LRFN5: variants seen among roughly 807,000 people sequenced by gnomAD.
LRFN5 encodes the protein leucine rich repeat and fibronectin type III domain containing 5, also known as leucine-rich repeat and fibronectin type-III domain-containing protein 5.
LRFN5 carries 24 observed loss-of-function variants against 45.6 expected under a neutral mutation model. The observed-to-expected ratio is 0.53, with a 90% CI of 0.38 to 0.74. The LOEUF is 0.74. LRFN5 is among the 30% of genes least tolerant of loss of function. The probability of loss-of-function intolerance (pLI) is 0.00; values close to 1 mark genes in which losing one functional copy is unlikely to be tolerated. For missense variants in LRFN5, 776 were observed against 861.5 expected (o/e 0.90, Z 1.24); for synonymous variants, 340 against 313.8 (o/e 1.08, Z -0.88).
intron 2 of LRFN5, among the ~76,000 whole-genome samples, chr14:41,812,958 C>T (rs1020664730): frequency 1.3e-5 from 2 of 152,070 alleles, no homozygotes; most frequent in Admixed American, 1.3e-4. Flanking sequence ...ACACAGGTAG[C>T]TTTCAACTGA....
chr14:41,656,805 C>T (rs770556182), intron 1 of LRFN5, among the ~76,000 whole-genome samples: 1 of 151,574 alleles, frequency 6.6e-6, no homozygotes, highest in Non-Finnish European at 1.5e-5. Context: ...GAAAGTGTGA[C>T]ATTATTTTAT....
In LRFN5 at chr14:41,894,201, T is replaced by A. The variant is rs978906734; in HGVS notation, c.2098+2239T>A. On this transcript the variant is annotated intron_variant, in intron 4 of 5. Transcript: ENST00000298119. The stretch of plus-strand genomic sequence containing the variant: ...GATCAAAGATAAGGATGCTCTGAAA[T>A]CATGCAACATTAGCAAGGTTAACAT... 7.1e-6 allele frequency: 7 copies of A among 985,168 alleles called. No individual in the cohort carries two copies. In the East Asian group the frequency reaches 6.8e-4, roughly 96 times the overall value. The allele number at this position is 985,168 out of a possible 1,614,324, so 61.0% of individuals were successfully genotyped here.
At chr14:41,615,615 C>T (rs1174927462) in intron 1 of LRFN5, among the ~76,000 whole-genome samples, 2 of 151,998 alleles carry the variant, frequency 1.3e-5, no homozygotes, top group South Asian at 2.1e-4. Context: ...AGACTACTGT[C>T]GAGTTAAGCA....
At chr14:41,785,162 T>C (rs1362620004) in intron 2 of LRFN5, among the ~76,000 whole-genome samples, 1 of 152,140 alleles carries the variant, frequency 6.6e-6, no homozygotes, top group Non-Finnish European at 1.5e-5. Context: ...GAGTTTAAAG[T>C]GTCTTTCTTT....
At chr14:41,760,650 T>G (rs1184905625) in intron 1 of LRFN5, among the ~76,000 whole-genome samples, 1 of 151,854 alleles carries the variant, frequency 6.6e-6, no homozygotes, top group African/African-American at 2.4e-5. Flanking sequence ...TGATTTCTGA[T>G]TTAACATGCA....
At position 41,877,740 on chromosome 14, in the gene LRFN5, T is replaced by C. The variant is rs1594488360; in HGVS notation, c.-20-8866T>C. Among the ~76,000 whole-genome samples the C allele has an allele frequency of 2.0e-5, 3 of 152,202 alleles. No individual in the cohort carries two copies. In the East Asian group the frequency reaches 5.8e-4, roughly 30 times the overall value. On this transcript the variant is annotated intron_variant, in intron 2 of 5. Transcript: ENST00000298119. Reference sequence around the variant, plus strand: ...AATTTAAATATCAAAGTATAATAAGTCAACATTTTCATAGTTGGCCATCTA... The same window carrying C: ...AATTTAAATATCAAAGTATAATAAGCCAACATTTTCATAGTTGGCCATCTA...
chr14:41,822,777 T>C (rs1244552498), intron 2 of LRFN5, among the ~76,000 whole-genome samples: 1 of 151,852 alleles, frequency 6.6e-6, no homozygotes, highest in Admixed American at 6.6e-5. Flanking sequence ...TTGCTCTCCA[T>C]ATATTTTATT....
chr14:41,891,902 A>G lies in LRFN5; in HGVS notation c.2038A>G (p.Ser680Gly). ...CAACTCAACTGCCTTGCAGTTAGCT[A>G]GCCGTCCTCCCGATTCTGTCACAGA... ...RNNSTALQLA[S>G]RPPDSVTEGP... is the part of the protein sequence containing the mutation. The change falls in exon 4 of 6, where the codon AGC becomes GGC. Residue 680 changes from serine (S) to glycine (G), a missense_variant. Ser to Gly is a moderately conservative substitution (Grantham distance 56, BLOSUM62 0). Coordinates refer to ENST00000298119, the MANE Select transcript of LRFN5 (RefSeq NM_152447.5). 1 of 1,614,164 alleles carries G rather than the reference A, an allele frequency of 6.2e-7. No homozygotes were observed. The highest frequency in any genetic ancestry group is 8.5e-7 in the Non-Finnish European group (1 of 1,180,024).
intron 2 of LRFN5, among the ~76,000 whole-genome samples, chr14:41,816,582 C>A (rs1887926730): frequency 6.6e-6 from 1 of 151,966 alleles, no homozygotes. Context: ...TCTCTGTCAA[C>A]ACTATACATA....
At chr14:41,782,967 G>A (rs908453353) in intron 2 of LRFN5, among the ~76,000 whole-genome samples, 8 of 119,696 alleles carry the variant, frequency 6.7e-5, no homozygotes, top group South Asian at 5.8e-4. Flanking sequence ...TTCCTGTGGT[G>A]ATACAGCTTT....
chr14:41,865,726 A>G (rs1889817982), intron 2 of LRFN5, among the ~76,000 whole-genome samples: 1 of 152,196 alleles, frequency 6.6e-6, no homozygotes, highest in Non-Finnish European at 1.5e-5. Context: ...GTTCACCAAC[A>G]CTTGCTTTCA....
intron 2 of LRFN5, among the ~76,000 whole-genome samples, chr14:41,791,317 A>G (rs900949859): frequency 2.0e-5 from 3 of 152,122 alleles, no homozygotes; most frequent in African/African-American, 7.2e-5. Context: ...GCTATGTATC[A>G]TTTTCTCTAC....
chr14:41,903,296 T>C (rs1379223349), intron 5 of LRFN5, among the ~76,000 whole-genome samples: 3 of 151,388 alleles, frequency 2.0e-5, no homozygotes, highest in East Asian at 3.9e-4. Context: ...TAATATAGAA[T>C]ACTAAATAAA....
intron 2 of LRFN5, among the ~76,000 whole-genome samples, chr14:41,844,614 A>C (rs546223857): frequency 8.5e-5 from 13 of 152,276 alleles, no homozygotes; most frequent in African/African-American, 3.1e-4. Flanking sequence ...CTGATTTCTA[A>C]TACACATAAC....
At chr14:41,791,001 T>C (rs1251723480) in intron 2 of LRFN5, among the ~76,000 whole-genome samples, 2 of 151,866 alleles carry the variant, frequency 1.3e-5, no homozygotes, top group Non-Finnish European at 2.9e-5. Context: ...TATCCACATA[T>C]TATTTTCAAT....
intron 1 of LRFN5, among the ~76,000 whole-genome samples, chr14:41,710,073 T>C (rs1883221859): frequency 6.6e-6 from 1 of 152,258 alleles, no homozygotes; most frequent in East Asian, 1.9e-4. Context: ...TGATAGAATA[T>C]ATTGTTGTCT....
At chr14:41,625,776 T>C (rs939110011) in intron 1 of LRFN5, among the ~76,000 whole-genome samples, 1 of 152,068 alleles carries the variant, frequency 6.6e-6, no homozygotes, top group Admixed American at 6.6e-5. Context: ...GTAAAAAAAA[T>C]GTCAAGTACA....
At position 41,888,009 on chromosome 14, in the gene LRFN5, A is replaced by C; in HGVS notation, c.1384A>C (p.Arg462=). ...TACTTATGATGACACCCTTGTTTAC[A>C]GGTAAGAAAAATTGAGCAAATTTGT... ...NGTYDDTLVY[R]MIPPTSKTFL... The change falls in exon 3 of 6, where the codon AGA becomes CGA. Residue 462 remains arginine, a splice_region_variant and synonymous_variant. Transcript: ENST00000298119. The C allele has an allele frequency of 1.3e-6, 2 of 1,581,020 alleles. No individual in the cohort carries two copies. The highest frequency in any genetic ancestry group is 1.8e-5 in the Admixed American group (1 of 54,852).
At chr14:41,670,999 ATATATTAACATC>A (rs779426957) in intron 1 of LRFN5, among the ~76,000 whole-genome samples, 43 of 152,106 alleles carry the variant, frequency 2.8e-4, no homozygotes, top group Middle Eastern at 3.4e-3. Flanking sequence ...TCAAACTAAG[ATATATTAACATC>A]TATTTTTAGA....
Sources: allele counts gnomAD v4.1 joint callset (sites outside exome capture counted in the v4.1 genomes callset), GRCh38; gene constraint gnomAD v4.1.1; transcripts MANE v1.5; gene names NCBI Gene and HGNC (gene_info 2026-07-23, HGNC 2026-07-21).